The following SPMIP8 variants were observed in gnomAD, a reference collection of about 807,000 sequenced individuals.
The protein encoded by SPMIP8 is testicular tissue protein Li 196.
At chr16:57,985,050 C>A in the SPMIP8 span, 1 of 1,106,170 alleles carries the variant, frequency 9.0e-7, no homozygotes, top group Admixed American at 3.1e-5. Context: ...GGGCTTTGCC[C>A]TGGTGGGGCA....
chr16:57,987,365 AC>A, the SPMIP8 span: 2 of 1,513,392 alleles, frequency 1.3e-6, no homozygotes, highest in South Asian at 1.3e-5. Flanking sequence ...CACCCTGGAA[AC>A]CCCCACCTCA....
chr16:57,985,283 C>A, the SPMIP8 span: 2 of 1,558,376 alleles, frequency 1.3e-6, no homozygotes, highest in Non-Finnish European at 8.7e-7. Context: ...GAGCGCTGCG[C>A]GCAGACCCGT....
At chr16:57,977,230 T>G in the SPMIP8 span, among the ~76,000 whole-genome samples, 1 of 151,736 alleles carries the variant, frequency 6.6e-6, no homozygotes, top group Non-Finnish European at 1.5e-5. Context: ...GCCAACACAG[T>G]GAAACCCCGT....
chr16:57,987,131 G>C, the SPMIP8 span: 1 of 406,622 alleles, frequency 2.5e-6, no homozygotes, highest in Non-Finnish European at 4.4e-6. Flanking sequence ...AACAGAGTAG[G>C]TTCACTAAAT....
At chr16:57,987,112 A>G in the SPMIP8 span, 1 of 375,146 alleles carries the variant, frequency 2.7e-6, no homozygotes, top group Non-Finnish European at 4.7e-6. Context: ...TTGCTACCAT[A>G]TGATGCCTAA....
the SPMIP8 span, chr16:57,987,352 G>A: frequency 7.9e-5 from 118 of 1,492,190 alleles, no homozygotes; most frequent in African/African-American, 1.5e-3. Context: ...TTTTCCCCTA[G>A]GACACCCTGG....
the SPMIP8 span, among the ~76,000 whole-genome samples, chr16:57,983,643 G>A: frequency 6.6e-6 from 1 of 151,878 alleles, no homozygotes; most frequent in African/African-American, 2.4e-5. Context: ...AGAGAGTCTC[G>A]CTCTGTTGCC....
At chr16:57,987,643 C>A in the SPMIP8 span, 1 of 472,300 alleles carries the variant, frequency 2.1e-6, no homozygotes, top group South Asian at 6.2e-5. Flanking sequence ...CAGTATCTTA[C>A]CCTTGCCCGT....
At chr16:57,985,681 C>A in the SPMIP8 span, 1 of 1,295,934 alleles carries the variant, frequency 7.7e-7, no homozygotes, top group Non-Finnish European at 1.0e-6. Context: ...ACACCAGAAA[C>A]AAATTGCAAT....
At chr16:57,984,765 G>A in the SPMIP8 span, 1 of 1,608,430 alleles carries the variant, frequency 6.2e-7, no homozygotes, top group Non-Finnish European at 8.5e-7. Flanking sequence ...GTCCCACTTC[G>A]TGTCCTCGGC....
the SPMIP8 span, chr16:57,986,321 C>T: frequency 2.9e-5 from 6 of 205,330 alleles, no homozygotes; most frequent in Non-Finnish European, 4.8e-5. Context: ...GTGGTCTTCC[C>T]GGCAGGGTCG....
chr16:57,982,114 C>T, the SPMIP8 span, among the ~76,000 whole-genome samples: 35 of 152,330 alleles, frequency 2.3e-4, no homozygotes, highest in African/African-American at 7.5e-4. Context: ...TTGCTTCTCT[C>T]GCCCTCTCTC....
chr16:57,976,561 C>T, the SPMIP8 span: 5 of 1,614,170 alleles, frequency 3.1e-6, no homozygotes, highest in African/African-American at 5.3e-5. Context: ...GCCCATTGAG[C>T]AGTCAAAGAA....
At chr16:57,986,816 ACTC>A in the SPMIP8 span, 1 of 151,954 alleles carries the variant, frequency 6.6e-6, no homozygotes. Flanking sequence ...CTGGTCTCGA[ACTC>A]CTGACCTTAT....
At chr16:57,977,931 C>A in the SPMIP8 span, 76 of 1,614,052 alleles carry the variant, frequency 4.7e-5, no homozygotes, top group Non-Finnish European at 5.8e-5. Context: ...GGGCGTGAAG[C>A]AGCAGCTCTA....
chr16:57,983,632 AAG>A, the SPMIP8 span, among the ~76,000 whole-genome samples: 2 of 151,998 alleles, frequency 1.3e-5, no homozygotes, highest in Non-Finnish European at 2.9e-5. Context: ...AAAATTTTTT[AAG>A]AGAGTCTCGC....
the SPMIP8 span, among the ~76,000 whole-genome samples, chr16:57,982,504 C>T: frequency 2.0e-5 from 3 of 152,276 alleles, no homozygotes; most frequent in South Asian, 6.2e-4. Context: ...TCTTGTTAAT[C>T]TATTTTCTGT....
the SPMIP8 span, chr16:57,984,854 G>C: frequency 2.6e-6 from 4 of 1,550,370 alleles, no homozygotes; most frequent in African/African-American, 5.4e-5. Context: ...CAGGTGGGCC[G>C]CGGGGCTGGA....
chr16:57,977,064 T>C, the SPMIP8 span, among the ~76,000 whole-genome samples: 116 of 152,288 alleles, frequency 7.6e-4, no homozygotes, highest in African/African-American at 2.6e-3. Flanking sequence ...GTATACGGCA[T>C]ACTAAGCTAC....
Sources: allele counts gnomAD v4.1 joint callset (sites outside exome capture counted in the v4.1 genomes callset), GRCh38; gene constraint gnomAD v4.1.1; transcripts MANE v1.5; gene names NCBI Gene and HGNC (gene_info 2026-07-23, HGNC 2026-07-21).